Variants in ARHGAP32 observed in about 807,000 individuals in gnomAD.
The protein encoded by ARHGAP32 is Rho GTPase activating protein 32.
In ARHGAP32, 51 loss-of-function variants were observed where a neutral mutation model predicts 186.5. That is an observed-to-expected ratio of 0.27 (90% confidence interval 0.22 to 0.35). ARHGAP32 has a LOEUF of 0.35. ARHGAP32 is among the 10% of genes least tolerant of loss of function. The pLI is 1.00. For missense variants in ARHGAP32, 2,186 were observed against 2,623.5 expected (o/e 0.83, Z 3.64); for synonymous variants, 950 against 964.3 (o/e 0.99, Z 0.27).
chr11:129,134,192 A>G (rs538441989), intron 2 of ARHGAP32, among the ~76,000 whole-genome samples: 1 of 152,258 alleles, frequency 6.6e-6, no homozygotes, highest in East Asian at 1.9e-4. Context: ...CATCTGAAAA[A>G]ATTCCAAACC....
chr11:129,037,934 C>T lies in ARHGAP32; in HGVS notation c.1045+2994G>A, dbSNP rs563562118. Among the ~76,000 whole-genome samples the T allele has an allele frequency of 3.3e-5, 5 of 151,896 alleles. No homozygotes were observed. The East Asian group carries it at 9.7e-4, about 29-fold the overall frequency. On this transcript the variant is annotated intron_variant, in intron 11 of 22. Transcript: ENST00000682385. ...TGGCCAACATGATGAAACCCCATCT[C>T]TATCAAAAATATAAAAATCAGCCAG... is the stretch of plus-strand genomic sequence containing the variant.
rs777286834 is a variant in ARHGAP32, at chr11:129,063,997, C to T, written c.790G>A (p.Val264Ile). Residue 264 changes from valine to isoleucine, a missense_variant, in exon 9 of 23, where the codon GTT becomes ATT. By Grantham distance (29) the Val-to-Ile change is conservative (BLOSUM62 3). This residue lies in a region of ARHGAP32 where 308 missense variants were observed against 596.5 expected (regional missense o/e 0.52). Coordinates refer to ENST00000682385, the MANE Select transcript of ARHGAP32 (RefSeq NM_001378024.1). Reference sequence around the variant, plus strand: ...GTGTTGATGGATGACTCCTCATGAACCAAAAGGTGATTTCCCTTATTATCA... The same window carrying T: ...GTGTTGATGGATGACTCCTCATGAATCAAAAGGTGATTTCCCTTATTATCA... Reference protein sequence around the residue: ...EIDNKGNHLLVHEESSINTPA... With the variant: ...EIDNKGNHLLIHEESSINTPA... The T allele has an allele frequency of 1.9e-6, 3 of 1,610,970 alleles. No individual in the cohort carries two copies. Among genetic ancestry groups the T allele is most frequent in the Non-Finnish European group, 2.5e-6 (3 of 1,178,666 alleles).
intron 1 of ARHGAP32, among the ~76,000 whole-genome samples, chr11:129,239,278 T>C (rs1336721438): frequency 1.3e-5 from 2 of 152,198 alleles, no homozygotes; most frequent in Non-Finnish European, 2.9e-5. Context: ...TATACCTAAC[T>C]TTTTTTGTGT....
At chr11:129,178,961 A>C (rs1368027492) in intron 1 of ARHGAP32, among the ~76,000 whole-genome samples, 1 of 152,122 alleles carries the variant, frequency 6.6e-6, no homozygotes, top group Non-Finnish European at 1.5e-5. Context: ...ATTAAACTAA[A>C]GAGCTTCTGC....
chr11:129,220,938 C>A (rs1243029666), intron 1 of ARHGAP32, among the ~76,000 whole-genome samples: 1 of 152,100 alleles, frequency 6.6e-6, no homozygotes, highest in Middle Eastern at 3.2e-3. Flanking sequence ...ATACCAAAAC[C>A]TGAATCTCAC....
intron 1 of ARHGAP32, among the ~76,000 whole-genome samples, chr11:129,213,085 A>AT (rs1331525078): frequency 6.6e-6 from 1 of 152,164 alleles, no homozygotes; most frequent in Non-Finnish European, 1.5e-5. Context: ...ATAATATTAT[A>AT]TTTCAAATAA....
At chr11:128,999,024 G>T (rs1057511924) in intron 11 of ARHGAP32, among the ~76,000 whole-genome samples, 3 of 152,190 alleles carry the variant, frequency 2.0e-5, no homozygotes, top group African/African-American at 7.2e-5. Flanking sequence ...CATCCAAAAA[G>T]AACAGGATAA....
At chr11:128,986,417 G>T in intron 14 of ARHGAP32, 107 bp downstream of exon 14, 1 of 1,235,588 alleles carries the variant, frequency 8.1e-7, no homozygotes, top group Non-Finnish European at 1.1e-6. Flanking sequence ...AGTCATTTCA[G>T]TCACAGAACT....
At chr11:129,180,861 T>C (rs1424689126) in intron 1 of ARHGAP32, among the ~76,000 whole-genome samples, 2 of 152,192 alleles carry the variant, frequency 1.3e-5, no homozygotes, top group African/African-American at 2.4e-5. Flanking sequence ...TGAAAGATTA[T>C]GGGAACCAGC....
intron 10 of ARHGAP32, among the ~76,000 whole-genome samples, chr11:129,058,638 G>A (rs1350701413): frequency 6.6e-6 from 1 of 152,228 alleles, no homozygotes; most frequent in Non-Finnish European, 1.5e-5. Flanking sequence ...ATGGGGATAA[G>A]GCCCAGCGTT....
At chr11:129,154,889 TA>T (rs71057927) in intron 2 of ARHGAP32, among the ~76,000 whole-genome samples, 29,357 of 151,568 alleles carry the variant, frequency 0.19, 3,039 homozygotes, top group Non-Finnish European at 0.22. Context: ...AAATAACATT[TA>T]AAAAAAAATT....
chr11:129,171,480 T>C (rs947314250), intron 1 of ARHGAP32, among the ~76,000 whole-genome samples: 1 of 152,214 alleles, frequency 6.6e-6, no homozygotes, highest in East Asian at 1.9e-4. Flanking sequence ...CAGAGGGTTG[T>C]AGATGTGTGG....
intron 10 of ARHGAP32, among the ~76,000 whole-genome samples, chr11:129,058,944 C>A (rs1196830864): frequency 6.6e-6 from 1 of 152,154 alleles, no homozygotes; most frequent in Non-Finnish European, 1.5e-5. Context: ...AAGAGTTTTT[C>A]TCCAGCATAC....
At position 128,968,861 on chromosome 11, in the gene ARHGAP32, G is replaced by C. The variant is rs565104155; in HGVS notation, c.*46C>G. ...TTTGGTTATTGAAAAAAATAGAACA[G>C]TCCACTGTCCAGCAGAGGCTGCTTC... On this transcript the variant is annotated 3_prime_UTR_variant, in exon 23 of 23. Transcript: ENST00000682385. 3 of 1,342,990 alleles carry C rather than the reference G, an allele frequency of 2.2e-6. No homozygotes were observed. Among genetic ancestry groups the C allele is most frequent in the African/African-American group, 2.9e-5 (2 of 68,426 alleles). The allele number at this position is 1,342,990 out of a possible 1,614,324, so 83.2% of individuals were successfully genotyped here.
intron 11 of ARHGAP32, among the ~76,000 whole-genome samples, chr11:129,007,802 G>A (rs1937864252): frequency 6.6e-6 from 1 of 152,156 alleles, no homozygotes; most frequent in Admixed American, 6.5e-5. Context: ...CCTAGGAGTT[G>A]CAGTCCTTGC....
At chr11:129,126,001 C>T (rs1176233139) in intron 2 of ARHGAP32, 5 of 436,684 alleles carry the variant, frequency 1.1e-5, no homozygotes, top group African/African-American at 1.0e-4. Flanking sequence ...GAGGTAACAT[C>T]TTGTCTTATT....
chr11:129,170,871 G>C (rs559761565), intron 1 of ARHGAP32, among the ~76,000 whole-genome samples: 1 of 152,274 alleles, frequency 6.6e-6, no homozygotes, highest in South Asian at 2.1e-4. Flanking sequence ...CCTGACTGGC[G>C]TGAGATGGTG....
At chr11:129,208,727 C>T (rs1944545745) in intron 1 of ARHGAP32, among the ~76,000 whole-genome samples, 2 of 149,224 alleles carry the variant, frequency 1.3e-5, no homozygotes, top group African/African-American at 4.9e-5. Flanking sequence ...TGCAGTGGAA[C>T]ATAAATTACA....
intron 11 of ARHGAP32, among the ~76,000 whole-genome samples, chr11:129,022,763 G>A (rs1204261691): frequency 6.6e-6 from 1 of 152,108 alleles, no homozygotes; most frequent in Non-Finnish European, 1.5e-5. Context: ...CCAGAACCTG[G>A]AATCTGGCTA....
Sources: allele counts gnomAD v4.1 joint callset (sites outside exome capture counted in the v4.1 genomes callset), GRCh38; gene constraint gnomAD v4.1.1; regional missense constraint gnomAD v4.1.1; transcripts MANE v1.5; gene names NCBI Gene and HGNC (gene_info 2026-07-23, HGNC 2026-07-21).